Variants in NETO1 observed in about 807,000 individuals in gnomAD.
NETO1 encodes the protein neuropilin and tolloid-like protein 1.
A neutral mutation model predicts 61.3 loss-of-function variants in NETO1; 26 were observed. The ratio of observed to expected loss-of-function variants is 0.42; its 90% CI spans 0.31 to 0.59. The LOEUF (loss-of-function observed/expected upper bound fraction) is 0.59. Among genes scored for constraint, NETO1 ranks in the 20% least tolerant of loss-of-function variants. The probability of loss-of-function intolerance (pLI) is 0.12; values close to 1 mark genes in which losing one functional copy is unlikely to be tolerated. For missense variants in NETO1, 531 were observed against 662.8 expected (o/e 0.80, Z 2.18); for synonymous variants, 225 against 225.8 (o/e 1.00, Z 0.03).
At position 72,767,367 on chromosome 18, in the gene NETO1, T is replaced by C. The variant is rs142072678; in HGVS notation, c.869-11220A>G. 9.6e-4 allele frequency among the ~76,000 whole-genome samples: 146 copies of C among 152,280 alleles called. 1 individual carries two copies. The highest frequency in any genetic ancestry group is 3.1e-3 in the Admixed American group (47 of 15,290). On this transcript the variant is annotated intron_variant, in intron 7 of 10. Transcript: ENST00000327305. ...TGATTCTACTAAAAATTACAGGAAATTTCCTGCCTTTATTCTTGTCCAAGT... is the reference window on the plus strand; with the variant it reads ...TGATTCTACTAAAAATTACAGGAAACTTCCTGCCTTTATTCTTGTCCAAGT...
chr18:72,835,850 T>C (rs539158009), intron 4 of NETO1, among the ~76,000 whole-genome samples: 50 of 152,340 alleles, frequency 3.3e-4, no homozygotes, highest in African/African-American at 1.2e-3. Flanking sequence ...ATATGATTTA[T>C]GGTTACTTCC....
At chr18:72,774,328 G>C (rs1303407031) in intron 7 of NETO1, among the ~76,000 whole-genome samples, 1 of 152,058 alleles carries the variant, frequency 6.6e-6, no homozygotes, top group South Asian at 2.1e-4. Context: ...ATTTGAATGG[G>C]CATATTCCAC....
rs561854411 is a variant in NETO1 at position 72,793,621 on chromosome 18, G to A, written c.639+496C>T. On this transcript the variant is annotated intron_variant, in intron 6 of 10. Coordinates refer to ENST00000327305, the MANE Select transcript of NETO1 (RefSeq NM_138966.5). Reference sequence around the variant, plus strand: ...GGAGCTTCATGGGCAGCTAACTCATGCCTGTCTCCTTCAAATGGGCACAGG... The same window carrying A: ...GGAGCTTCATGGGCAGCTAACTCATACCTGTCTCCTTCAAATGGGCACAGG... Among the ~76,000 whole-genome samples, 9 of 152,258 alleles carry A rather than the reference G, an allele frequency of 5.9e-5. No individual in the cohort carries two copies. The South Asian group carries it at 1.9e-3, about 32-fold the overall frequency.
At position 72,783,870 on chromosome 18, in the gene NETO1, A is replaced by T. The variant is rs751149817; in HGVS notation, c.676T>A (p.Ser226Thr). 6.2e-7 allele frequency: 1 copy of T among 1,613,962 alleles called. No individual in the cohort carries two copies. Among genetic ancestry groups the T allele is most frequent in the Non-Finnish European group, 8.5e-7 (1 of 1,179,800 alleles). ...ACAAAATTCCTCTTGCACTCATTTG[A>T]ATTCTGCATCTCATAGTCCAAGAAT... Reference protein sequence around the residue: ...LRFLDYEMQNSNECKRNFVAV... With the variant: ...LRFLDYEMQNTNECKRNFVAV... The change falls in exon 7 of 11, where the codon TCA (serine) becomes ACA (threonine). Residue 226 changes from serine to threonine, a missense_variant. Ser to Thr is a moderately conservative substitution (Grantham distance 58, BLOSUM62 1). Transcript: ENST00000327305.
chr18:72,863,404 C>T (rs2074639508), intron 3 of NETO1, among the ~76,000 whole-genome samples: 1 of 152,164 alleles, frequency 6.6e-6, no homozygotes, highest in Non-Finnish European at 1.5e-5. Flanking sequence ...TTGTGCTAAT[C>T]CTAGGGCCCC....
rs775337372 is a variant in NETO1 at position 72,865,171 on chromosome 18, T to C, written c.82+17A>G. ...TAATTCGAGGTCTTCCACTAGCATT[T>C]TTCTAAGTAAACACACCTGTTCCTT... On this transcript the variant is annotated intron_variant, in intron 2 of 10. Coordinates refer to ENST00000327305, the MANE Select transcript of NETO1 (RefSeq NM_138966.5). 23 of 1,609,060 alleles carry C rather than the reference T, an allele frequency of 1.4e-5. No individual in the cohort carries two copies. Among genetic ancestry groups the C allele is most frequent in the Non-Finnish European group, 2.0e-5 (23 of 1,177,400 alleles).
At chr18:72,763,127 ATT>A (rs983510822) in intron 7 of NETO1, among the ~76,000 whole-genome samples, 14 of 133,402 alleles carry the variant, frequency 1.0e-4, no homozygotes, top group African/African-American at 3.5e-4. Context: ...ATTCTATTAG[ATT>A]TCGTTTTTTT....
At position 72,763,988 on chromosome 18, in the gene NETO1, G is replaced by A. The variant is rs369643731; in HGVS notation, c.869-7841C>T. On this transcript the variant is annotated intron_variant, in intron 7 of 10. Transcript: ENST00000327305. ...AGAGAGAAGTGACAATCAGCGAAGG[G>A]GGAAACCCCTTATAAAACCATCAGT... is the stretch of plus-strand genomic sequence containing the variant. Among the ~76,000 whole-genome samples, 39 of 152,138 alleles carry A rather than the reference G, an allele frequency of 2.6e-4. 1 individual carries two copies. The South Asian group carries it at 7.1e-3, about 28-fold the overall frequency.
chr18:72,769,615 A>T lies in NETO1; in HGVS notation c.869-13468T>A, dbSNP rs537130039. Among the ~76,000 whole-genome samples, 4 of 152,312 alleles carry T rather than the reference A, an allele frequency of 2.6e-5. No individual in the cohort carries two copies. In the East Asian group the frequency reaches 7.7e-4, roughly 29 times the overall value. ...AAAATTAGAAAATACAGGCAAAAAT[A>T]TCGTCACCCAAATATAACCATTAAT... On this transcript the variant is annotated intron_variant, in intron 7 of 10. Coordinates refer to ENST00000327305, the MANE Select transcript of NETO1 (RefSeq NM_138966.5).
chr18:72,828,445 T>C (rs1246130198), intron 4 of NETO1, among the ~76,000 whole-genome samples: 2 of 152,148 alleles, frequency 1.3e-5, no homozygotes, highest in Admixed American at 1.3e-4. Flanking sequence ...TAGATATACA[T>C]GCACTGTTTT....
chr18:72,824,995 G>T (rs2073329637), intron 4 of NETO1, among the ~76,000 whole-genome samples: 1 of 152,000 alleles, frequency 6.6e-6, no homozygotes, highest in Non-Finnish European at 1.5e-5. Context: ...CTTGTAGAAG[G>T]CAAAATAAAA....
intron 7 of NETO1, among the ~76,000 whole-genome samples, chr18:72,777,512 G>T (rs1332626647): frequency 6.6e-6 from 1 of 151,854 alleles, no homozygotes; most frequent in Non-Finnish European, 1.5e-5. Context: ...GATGCCGAGG[G>T]GTTGGATCAC....
At chr18:72,845,922 T>C (rs754649403) in intron 4 of NETO1, among the ~76,000 whole-genome samples, 2 of 151,864 alleles carry the variant, frequency 1.3e-5, no homozygotes, top group Non-Finnish European at 1.5e-5. Flanking sequence ...TATTTCCAAT[T>C]CAAGCTAGAG....
At chr18:72,794,076 C>G in intron 6 of NETO1, 41 bp downstream of exon 6, 1 of 1,613,810 alleles carries the variant, frequency 6.2e-7, no homozygotes, top group Non-Finnish European at 8.5e-7. Context: ...AGACACTTCT[C>G]AACGTCAGCT....
Position 72,794,183 on chromosome 18 carries a change from T to C in NETO1, c.573A>G (p.Glu191=). The change falls in exon 6 of 11, where the codon GAA becomes GAG. Residue 191 remains glutamate, a synonymous_variant. Transcript: ENST00000327305. ...CAGCCTCGCTAGCAGTAGCTTTGCCTTCCTTCATAATTTGTATAGACTCCA... is the reference window on the plus strand; with the variant it reads ...CAGCCTCGCTAGCAGTAGCTTTGCCCTCCTTCATAATTTGTATAGACTCCA... ...GIVESIQIMK[E]GKATASEAVD... is the part of the protein sequence containing the mutation. 1 of 1,614,218 alleles carries C rather than the reference T, an allele frequency of 6.2e-7. No individual in the cohort carries two copies. The highest frequency in any genetic ancestry group is 8.5e-7 in the Non-Finnish European group (1 of 1,180,040).
rs1054597584 is a variant in NETO1 at position 72,746,023 on chromosome 18, T to C, written c.*2156A>G. 2 of 152,194 alleles carry C rather than the reference T, an allele frequency of 1.3e-5. No homozygotes were observed. The highest frequency in any genetic ancestry group is 2.9e-5 in the Non-Finnish European group (2 of 68,040). The allele number at this position is 152,194 out of a possible 1,614,324, so 9.4% of individuals were successfully genotyped here. On this transcript the variant is annotated 3_prime_UTR_variant, in exon 11 of 11. Transcript: ENST00000327305. ...TTAGTGTTTTTTTTTAAAGTCCCAT[T>C]GGTAGATTTCTGGTGAAAATACCTT...
At chr18:72,844,951 G>A (rs1006337993) in intron 4 of NETO1, among the ~76,000 whole-genome samples, 6 of 152,182 alleles carry the variant, frequency 3.9e-5, no homozygotes, top group Non-Finnish European at 5.9e-5. Flanking sequence ...AGGTCTTAAC[G>A]TGACATCAAG....
At position 72,794,437 on chromosome 18, in the gene NETO1, T is replaced by C. The variant is rs369264453; in HGVS notation, c.470-33A>G. On this transcript the variant is annotated intron_variant, in intron 4 of 10. Coordinates refer to ENST00000327305, the MANE Select transcript of NETO1 (RefSeq NM_138966.5). ...ATTGAGAAAAAGACAATTAGTCCCA[T>C]TCTACATTTATTACTTACAGTGAGT... 97 of 1,584,908 alleles carry C rather than the reference T, an allele frequency of 6.1e-5. 1 individual carries two copies. The highest frequency in any genetic ancestry group is 2.1e-4 in the South Asian group (18 of 86,432).
rs138076737 is a variant in NETO1, at chr18:72,765,937, T to C, written c.869-9790A>G. ...AAATACATAGCTTGGCTGGGCACAG[T>C]GGCTAACATCTGTAATATCAGCACT... On this transcript the variant is annotated intron_variant, in intron 7 of 10. Coordinates refer to ENST00000327305, the MANE Select transcript of NETO1 (RefSeq NM_138966.5). Among the ~76,000 whole-genome samples the C allele has an allele frequency of 3.0e-3, 461 of 152,296 alleles. 1 individual carries two copies. Among genetic ancestry groups the C allele is most frequent in the Middle Eastern group, 0.01 (3 of 294 alleles).
Sources: gnomAD v4.1 joint callset for allele counts (sites outside exome capture counted in the v4.1 genomes callset) on GRCh38, gnomAD v4.1.1 for gene constraint, MANE v1.5 for transcripts, NCBI Gene and HGNC (gene_info 2026-07-23, HGNC 2026-07-21) for gene names.